UNC13B: variants seen among roughly 807,000 people sequenced by gnomAD.
UNC13B encodes protein unc-13 homolog B.
A neutral mutation model predicts 211.0 loss-of-function variants in UNC13B; 144 were observed. The observed-to-expected ratio is 0.68, with a 90% confidence interval of 0.60 to 0.78. The LOEUF is 0.78. Ranked by LOEUF, UNC13B falls within the 30% of genes least tolerant of loss-of-function variation. The pLI is 0.00. For synonymous variants in UNC13B, 709 were observed against 725.8 expected (o/e 0.98, Z 0.37); for missense variants, 1,777 against 2,002.0 (o/e 0.89, Z 2.14).
chr9:35,374,490 G>T (rs1337060908), intron 13 of UNC13B, among the ~76,000 whole-genome samples: 60 of 135,658 alleles, frequency 4.4e-4, no homozygotes, highest in Middle Eastern at 4.2e-3. Context: ...TAACTCTCTG[G>T]GCTTGGCAGA....
intron 7 of UNC13B, 147 bp from the exon 8 acceptor site, chr9:35,295,549 G>A: frequency 1.5e-6 from 1 of 656,334 alleles, no homozygotes; most frequent in South Asian, 1.9e-5. Flanking sequence ...TCTGCTCATG[G>A]CTCTGAGGTC....
chr9:35,310,468 C>T lies in UNC13B; in HGVS notation c.9010C>T (p.Pro3004Ser). The T allele has an allele frequency of 6.2e-7, 1 of 1,612,302 alleles. No homozygotes were observed. Among genetic ancestry groups the T allele is most frequent in the Non-Finnish European group, 8.5e-7 (1 of 1,178,552 alleles). ...DIKEPMTNKS[P>S]TSSSRYGSSC... ...TCTGTCTTTCTGTCATTCTCACAGC[C>T]CCACCAGCAGCAGTAGGTATGGCTC... Residue 3004 changes from proline to serine, a missense_variant and splice_region_variant, in exon 10 of 40, where the codon CCC becomes TCC. Physicochemically the swap from Pro to Ser is moderately conservative, Grantham distance 74. Coordinates refer to ENST00000635942, the MANE Select transcript of UNC13B (RefSeq NM_001371189.2).
At chr9:35,181,096 T>G (rs554675375) in intron 1 of UNC13B, among the ~76,000 whole-genome samples, 47 of 152,152 alleles carry the variant, frequency 3.1e-4, no homozygotes, top group Non-Finnish European at 6.0e-4. Flanking sequence ...AGACGCTGTT[T>G]CAAAAAACAA....
In UNC13B at chr9:35,207,213, A is replaced by T. The variant is rs187989027; in HGVS notation, c.23-20802A>T. On this transcript the variant is annotated intron_variant, in intron 1 of 39. Coordinates refer to ENST00000635942, the MANE Select transcript of UNC13B (RefSeq NM_001371189.2). ...GGTTTTGATTTACATTTCCCTAATG[A>T]CTAGTGGTTGTTATGCATATTTTCA... is the stretch of plus-strand genomic sequence containing the variant. Among the ~76,000 whole-genome samples the T allele has an allele frequency of 5.3e-4, 81 of 152,212 alleles. 1 individual carries two copies. Among genetic ancestry groups the T allele is most frequent in the Admixed American group, 4.5e-3 (69 of 15,274 alleles).
chr9:35,347,789 CAGGCAGCT>C (rs1328513980), intron 11 of UNC13B, among the ~76,000 whole-genome samples: 9 of 152,214 alleles, frequency 5.9e-5, no homozygotes, highest in Non-Finnish European at 1.3e-4. Context: ...CATGGGGAAC[CAGGCAGCT>C]CTGCCTTCAG....
intron 7 of UNC13B, among the ~76,000 whole-genome samples, chr9:35,286,551 A>G (rs1405771979): frequency 3.3e-5 from 5 of 151,846 alleles, no homozygotes; most frequent in African/African-American, 1.2e-4. Flanking sequence ...GAGGAACTGG[A>G]GATTGAGTTA....
chr9:35,210,417 T>G (rs779435581), intron 1 of UNC13B, among the ~76,000 whole-genome samples: 1 of 152,246 alleles, frequency 6.6e-6, no homozygotes, highest in Non-Finnish European at 1.5e-5. Flanking sequence ...ACAGAATTCC[T>G]TCATCATCAC....
chr9:35,171,206 A>G (rs1821314190), intron 1 of UNC13B, among the ~76,000 whole-genome samples: 1 of 151,768 alleles, frequency 6.6e-6, no homozygotes, highest in South Asian at 2.1e-4. Context: ...GGTTCAAGAG[A>G]TTCTCCTGCC....
chr9:35,403,303 C>T (rs750653624), intron 38 of UNC13B, 44 bp downstream of exon 38: 7 of 1,607,128 alleles, frequency 4.4e-6, no homozygotes, highest in Non-Finnish European at 6.0e-6. Flanking sequence ...TGCCCAGTGG[C>T]CTCACTCATC....
intron 3 of UNC13B, among the ~76,000 whole-genome samples, chr9:35,233,290 C>T (rs1461836788): frequency 6.6e-6 from 1 of 152,178 alleles, no homozygotes; most frequent in Non-Finnish European, 1.5e-5. Flanking sequence ...TGCAGCCTCT[C>T]ATCAGCATAG....
rs143964256 is a variant in UNC13B at position 35,404,010 on chromosome 9, C to T, written c.13000C>T (p.Arg4334Cys). The change falls in exon 40 of 40, where the codon CGT becomes TGT. Residue 4334 changes from arginine (R) to cysteine (C), a missense_variant. By Grantham distance (180) the Arg-to-Cys change is radical. Transcript: ENST00000635942. ...ATTTGTGAAACTCAAATCAGAGTCT[C>T]GTTCCACGGAGGAGGGGAGCTGAAC... ...REFVKLKSES[R>C]STEEGS 31 of 1,613,628 alleles carry T rather than the reference C, an allele frequency of 1.9e-5. No individual in the cohort carries two copies. The highest frequency in any genetic ancestry group is 6.7e-5 in the African/African-American group (5 of 75,010).
intron 11 of UNC13B, among the ~76,000 whole-genome samples, chr9:35,331,978 C>G (rs2131969448): frequency 6.6e-6 from 1 of 152,016 alleles, no homozygotes; most frequent in South Asian, 2.1e-4. Flanking sequence ...AACCAGTAGG[C>G]TTCCAACTAG....
intron 7 of UNC13B, among the ~76,000 whole-genome samples, chr9:35,292,090 A>G (rs1829127627): frequency 6.6e-6 from 1 of 152,196 alleles, no homozygotes; most frequent in Non-Finnish European, 1.5e-5. Flanking sequence ...AAGTAGAAAA[A>G]GCAACTAAGC....
intron 1 of UNC13B, among the ~76,000 whole-genome samples, chr9:35,169,914 A>G (rs972580757): frequency 2.0e-5 from 3 of 152,196 alleles, no homozygotes; most frequent in Non-Finnish European, 4.4e-5. Context: ...GTGTATCATT[A>G]GTAAATATTT....
intron 6 of UNC13B, among the ~76,000 whole-genome samples, chr9:35,258,742 C>T (rs916908137): frequency 1.3e-5 from 2 of 152,184 alleles, no homozygotes; most frequent in African/African-American, 4.8e-5. Flanking sequence ...GCCCAGGTGC[C>T]CTTGGTCAGG....
intron 11 of UNC13B, among the ~76,000 whole-genome samples, chr9:35,349,322 A>G (rs1471433859): frequency 6.6e-6 from 1 of 150,576 alleles, no homozygotes. Flanking sequence ...AATCAGGGAT[A>G]CCCAATCCCT....
At chr9:35,279,864 G>C (rs983098653) in intron 7 of UNC13B, among the ~76,000 whole-genome samples, 18 of 152,118 alleles carry the variant, frequency 1.2e-4, no homozygotes, top group Admixed American at 8.5e-4. Flanking sequence ...ATATTGCAGA[G>C]ATGGCACACT....
In UNC13B at chr9:35,182,818, G is replaced by A. The variant is rs535341690; in HGVS notation, c.22+20513G>A. On this transcript the variant is annotated intron_variant, in intron 1 of 39. Transcript: ENST00000635942. ...GGTTATAGATTAACAGCATCCCAAG[G>A]CAGAATAATTTTTCTTAGTACAGAA... Among the ~76,000 whole-genome samples, 6 of 152,302 alleles carry A rather than the reference G, an allele frequency of 3.9e-5. No individual in the cohort carries two copies. In the South Asian group the frequency reaches 1.2e-3, roughly 32 times the overall value.
chr9:35,348,189 A>T (rs540655064), intron 11 of UNC13B, among the ~76,000 whole-genome samples: 1 of 152,374 alleles, frequency 6.6e-6, no homozygotes, highest in Non-Finnish European at 1.5e-5. Flanking sequence ...AATCAGTAGC[A>T]GTAGCAGGGG....
Sources: gnomAD v4.1 joint callset for allele counts (sites outside exome capture counted in the v4.1 genomes callset) on GRCh38, gnomAD v4.1.1 for gene constraint, MANE v1.5 for transcripts, NCBI Gene and HGNC (gene_info 2026-07-23, HGNC 2026-07-21) for gene names.